Variants in LPP observed in about 807,000 individuals in gnomAD.
LPP encodes the protein lipoma-preferred partner.
A neutral mutation model predicts 60.4 loss-of-function variants in LPP; 38 were observed. That is an observed-to-expected ratio of 0.63 (90% CI 0.49 to 0.83). The LOEUF (loss-of-function observed/expected upper bound fraction) is 0.83. LPP is among the 40% of genes least tolerant of loss of function. The pLI is 0.00. For missense variants in LPP, 902 were observed against 783.6 expected (o/e 1.15, Z -1.80); for synonymous variants, 328 against 290.8 (o/e 1.13, Z -1.30).
intron 8 of LPP, among the ~76,000 whole-genome samples, chr3:188,754,773 A>G (rs1729601432): frequency 6.6e-6 from 1 of 152,174 alleles, no homozygotes; most frequent in African/African-American, 2.4e-5. Context: ...ATGCATCAAT[A>G]CTACAGAGTC....
In LPP at chr3:188,890,025, C is replaced by G. The variant is rs1771082986; in HGVS notation, c.*15546C>G. On this transcript the variant is annotated 3_prime_UTR_variant, in exon 12 of 12. Transcript: ENST00000617246. ...GAAACAAATGGACTGGGAAGAAACA[C>G]AGCATGGCTTTGCTCTGAGTTTCAA... 4.7e-6 allele frequency: 1 copy of G among 213,476 alleles called. No homozygotes were observed. Among genetic ancestry groups the G allele is most frequent in the Admixed American group, 5.9e-5 (1 of 17,070 alleles). 13.2% of individuals were successfully genotyped at this position (213,476 alleles called of 1,614,324 possible). A position where few individuals can be genotyped will look rare whatever the true frequency, so the allele number is the denominator to read the frequency against.
At chr3:188,532,240 C>T (rs1160442675) in intron 6 of LPP, among the ~76,000 whole-genome samples, 1 of 150,644 alleles carries the variant, frequency 6.6e-6, no homozygotes, top group Non-Finnish European at 1.5e-5. Flanking sequence ...AACCCCAGCT[C>T]TACTAAAAAC....
intron 3 of LPP, among the ~76,000 whole-genome samples, chr3:188,377,264 T>C (rs1048843473): frequency 2.4e-4 from 36 of 152,198 alleles, no homozygotes; most frequent in African/African-American, 8.2e-4. Context: ...CCTTGCTAGA[T>C]TGGGGAAGTT....
intron 1 of LPP, among the ~76,000 whole-genome samples, chr3:188,161,854 A>G (rs916089062): frequency 2.0e-5 from 3 of 152,202 alleles, no homozygotes; most frequent in Non-Finnish European, 4.4e-5. Context: ...AAGATGGTTC[A>G]GTTTGAGTGT....
At chr3:188,839,302 T>C (rs780992700) in intron 9 of LPP, among the ~76,000 whole-genome samples, 1 of 152,188 alleles carries the variant, frequency 6.6e-6, no homozygotes, top group Non-Finnish European at 1.5e-5. Context: ...ATATCTGGAA[T>C]CTTACTGCAA....
chr3:188,330,096 T>C (rs1486829917), intron 2 of LPP, among the ~76,000 whole-genome samples: 1 of 152,206 alleles, frequency 6.6e-6, no homozygotes, highest in Non-Finnish European at 1.5e-5. Flanking sequence ...CCAATAAAAC[T>C]TGCTCTTAAC....
chr3:188,825,304 T>TGTGTGG (rs2151502286), intron 9 of LPP, among the ~76,000 whole-genome samples: 1 of 149,348 alleles, frequency 6.7e-6, no homozygotes, highest in Admixed American at 6.6e-5. Flanking sequence ...TGTGTGTGTG[T>TGTGTGG]GTGTGTGTGT....
intron 4 of LPP, among the ~76,000 whole-genome samples, chr3:188,476,538 A>C (rs933628907): frequency 1.3e-5 from 2 of 152,186 alleles, no homozygotes; most frequent in African/African-American, 2.4e-5. Flanking sequence ...CCTCTTGCCA[A>C]ATTTTCTTGA....
At position 188,411,973 on chromosome 3, in the gene LPP, GTCTCTCTCTC is replaced by G. The variant is rs56025983; in HGVS notation, c.193+5676_193+5685del. Among the ~76,000 whole-genome samples, 42 of 149,842 alleles carry G rather than the reference GTCTCTCTCTC, an allele frequency of 2.8e-4. 1 individual carries two copies. The South Asian group carries it at 7.0e-3, about 25-fold the overall frequency. ...AATAACTCTCTCTCTCTCTTTCTCT[GTCTCTCTCTC>G]TCTCTCTCTCTCTCTAATTTGGCTG... On this transcript the variant is annotated intron_variant, in intron 4 of 11. Transcript: ENST00000617246.
chr3:188,382,944 G>A (rs1003604402), intron 3 of LPP, among the ~76,000 whole-genome samples: 1 of 152,116 alleles, frequency 6.6e-6, no homozygotes, highest in Non-Finnish European at 1.5e-5. Context: ...ACCTTAGTGT[G>A]TCTACTGACT....
At chr3:188,740,292 T>G (rs1723957939) in intron 8 of LPP, among the ~76,000 whole-genome samples, 3 of 152,126 alleles carry the variant, frequency 2.0e-5, no homozygotes, top group Admixed American at 1.3e-4. Flanking sequence ...AGTAAATGGA[T>G]CTACCTGTGG....
chr3:188,165,536 A>C (rs200042276), intron 1 of LPP, among the ~76,000 whole-genome samples: 13 of 152,312 alleles, frequency 8.5e-5, no homozygotes, highest in African/African-American at 1.4e-4. Flanking sequence ...TAGGGTCTAC[A>C]TTGAGAGAAA....
intron 4 of LPP, among the ~76,000 whole-genome samples, chr3:188,440,557 A>G (rs958487353): frequency 1.3e-5 from 2 of 152,220 alleles, no homozygotes; most frequent in South Asian, 2.1e-4. Flanking sequence ...GGTTATTTAC[A>G]TCTGACATTC....
At chr3:188,827,144 C>G (rs1399061819) in intron 9 of LPP, among the ~76,000 whole-genome samples, 2 of 152,226 alleles carry the variant, frequency 1.3e-5, no homozygotes, top group South Asian at 4.1e-4. Context: ...TCAAAAGAAT[C>G]TAGCCACAAC....
In LPP at chr3:188,396,740, A is replaced by G. The variant is rs1382435255; in HGVS notation, c.-9-9372A>G. On this transcript the variant is annotated intron_variant, in intron 3 of 11. Coordinates refer to ENST00000617246, the MANE Select transcript of LPP (RefSeq NM_001375462.1). ...TACTGAACTCAAAGAGGTGCAGGCTATTGTTGCCTGTTTTCTCTTGGCCTT... is the reference window on the plus strand; with the variant it reads ...TACTGAACTCAAAGAGGTGCAGGCTGTTGTTGCCTGTTTTCTCTTGGCCTT... 2.0e-5 allele frequency among the ~76,000 whole-genome samples: 3 copies of G among 152,146 alleles called. No individual in the cohort carries two copies. In the East Asian group the frequency reaches 5.8e-4, roughly 29 times the overall value.
intron 2 of LPP, among the ~76,000 whole-genome samples, chr3:188,334,379 A>G (rs1761008806): frequency 6.9e-6 from 1 of 144,996 alleles, no homozygotes; most frequent in African/African-American, 2.5e-5. Flanking sequence ...TCCTTTGGAT[A>G]TATGACCAGC....
At chr3:188,445,010 G>A (rs186981937) in intron 4 of LPP, among the ~76,000 whole-genome samples, 114 of 152,318 alleles carry the variant, frequency 7.5e-4, no homozygotes, top group Admixed American at 1.2e-3. Context: ...AGGATGTGGA[G>A]AAATAAGAAT....
chr3:188,297,848 C>T (rs1748451181), intron 2 of LPP, among the ~76,000 whole-genome samples: 1 of 152,134 alleles, frequency 6.6e-6, no homozygotes, highest in Admixed American at 6.5e-5. Flanking sequence ...GGTAGAGGTA[C>T]TTAGTTGAGC....
At chr3:188,575,386 A>G (rs942806070) in intron 6 of LPP, among the ~76,000 whole-genome samples, 2 of 152,196 alleles carry the variant, frequency 1.3e-5, no homozygotes, top group Non-Finnish European at 2.9e-5. Context: ...TTTAAAATGT[A>G]CAAATTAATG....
Sources: allele counts gnomAD v4.1 joint callset (sites outside exome capture counted in the v4.1 genomes callset), GRCh38; gene constraint gnomAD v4.1.1; transcripts MANE v1.5; gene names NCBI Gene and HGNC (gene_info 2026-07-23, HGNC 2026-07-21).